Variants in TMEM192 observed in about 807,000 individuals in gnomAD.
TMEM192 encodes the protein transmembrane protein 192.
A neutral mutation model predicts 26.7 loss-of-function variants in TMEM192; 20 were observed. That is an observed-to-expected ratio of 0.75 (90% CI 0.53 to 1.09). The LOEUF (loss-of-function observed/expected upper bound fraction) is 1.09, where lower values mean the gene tolerates loss of function less well. Among genes scored for constraint, TMEM192 ranks in the 50% least tolerant of loss-of-function variants. The pLI, the probability that TMEM192 is intolerant of heterozygous loss-of-function variation, is 0.00. For synonymous variants in TMEM192, 124 were observed against 121.0 expected, an observed-to-expected ratio of 1.02 and a Z score of -0.16; for missense variants, 304 against 322.6, an observed-to-expected ratio of 0.94 and a Z score of 0.44.
At chr4:165,085,998 AGAAGT>A (rs1176730861) in intron 4 of TMEM192, among the ~76,000 whole-genome samples, 1 of 152,216 alleles carries the variant, frequency 6.6e-6, no homozygotes, top group Non-Finnish European at 1.5e-5. Context: ...TGAAGCCCAG[AGAAGT>A]TGAGCAACCA....
intron 3 of TMEM192, among the ~76,000 whole-genome samples, chr4:165,090,554 T>G (rs937978344): frequency 6.6e-6 from 1 of 152,052 alleles, no homozygotes; most frequent in Non-Finnish European, 1.5e-5. Context: ...CAACAAACCA[T>G]AAAACATAAA....
rs1490568246 is a variant in TMEM192, at chr4:165,079,484, A to C, written c.*174T>G. 2 of 598,736 alleles carry C rather than the reference A, an allele frequency of 3.3e-6. No individual in the cohort carries two copies. Among genetic ancestry groups the C allele is most frequent in the African/African-American group, 1.9e-5 (1 of 52,182 alleles). The allele number at this position is 598,736 out of a possible 1,614,324, so 37.1% of individuals were successfully genotyped here. A position where few individuals can be genotyped will look rare whatever the true frequency, so the allele number is the denominator to read the frequency against. ...TCTACAGGTACTTTTCAAGTGACCC[A>C]CAAGCCCTATATTTTAAACAGCCAC... is the stretch of plus-strand genomic sequence containing the variant. On this transcript the variant is annotated 3_prime_UTR_variant, in exon 6 of 6. Transcript: ENST00000306480.
In TMEM192 at chr4:165,079,734, C is replaced by A; in HGVS notation, c.740G>T (p.Arg247Leu). 2.5e-6 allele frequency: 4 copies of A among 1,614,024 alleles called. No individual in the cohort carries two copies. Among genetic ancestry groups the A allele is most frequent in the Non-Finnish European group, 3.4e-6 (4 of 1,179,966 alleles). Residue 247 changes from arginine (R) to leucine (L), a missense_variant, in exon 6 of 6, where the codon CGA becomes CTA. Physicochemically the swap from Arg to Leu is moderately radical, Grantham distance 102. Transcript: ENST00000306480. Reference protein sequence around the residue: ...KQGDTIEYLKRHNALLSKRLL... With the variant: ...KQGDTIEYLKLHNALLSKRLL... ...TCGCTTACTCAGCAGCGCATTGTGTCGCTTCAGGTATTCAATGGTGTCTCC... is the reference window on the plus strand; with the variant it reads ...TCGCTTACTCAGCAGCGCATTGTGTAGCTTCAGGTATTCAATGGTGTCTCC...
chr4:165,109,684 A>G (rs934435622), intron 1 of TMEM192, among the ~76,000 whole-genome samples: 1 of 152,232 alleles, frequency 6.6e-6, no homozygotes, highest in South Asian at 2.1e-4. Flanking sequence ...ACATTTAAAC[A>G]AAGCTAGCAT....
chr4:165,075,015 A>C lies in TMEM192; in HGVS notation c.*4643T>G, dbSNP rs1457808712. The C allele has an allele frequency of 6.6e-6, 1 of 152,250 alleles. No individual in the cohort carries two copies. Among genetic ancestry groups the C allele is most frequent in the Non-Finnish European group, 1.5e-5 (1 of 68,046 alleles). The allele number at this position is 152,250 out of a possible 1,614,324, so 9.4% of individuals were successfully genotyped here. A position where few individuals can be genotyped will look rare whatever the true frequency, so the allele number is the denominator to read the frequency against. On this transcript the variant is annotated 3_prime_UTR_variant, in exon 6 of 6. Coordinates refer to ENST00000306480, the MANE Select transcript of TMEM192 (RefSeq NM_001100389.2). ...TTTAACACTTCATTAGTATCCAAAGAAATACAATTTGAAACAATGACACAC... is the reference window on the plus strand; with the variant it reads ...TTTAACACTTCATTAGTATCCAAAGCAATACAATTTGAAACAATGACACAC...
intron 3 of TMEM192, among the ~76,000 whole-genome samples, chr4:165,095,075 G>A (rs1734864035): frequency 6.6e-6 from 1 of 152,064 alleles, no homozygotes. Context: ...ATGACCACAG[G>A]CTGAGAGCTA....
intron 3 of TMEM192, among the ~76,000 whole-genome samples, chr4:165,094,046 C>T (rs1200927033): frequency 6.6e-6 from 1 of 152,020 alleles, no homozygotes; most frequent in Non-Finnish European, 1.5e-5. Flanking sequence ...ATTACAGGCA[C>T]CTGCCACCAT....
At chr4:165,105,596 G>A (rs996351607) in intron 1 of TMEM192, among the ~76,000 whole-genome samples, 3 of 152,200 alleles carry the variant, frequency 2.0e-5, no homozygotes, top group African/African-American at 7.2e-5. Flanking sequence ...GACGCACAGA[G>A]AGCACTCAAT....
intron 1 of TMEM192, among the ~76,000 whole-genome samples, chr4:165,107,361 G>C (rs757935999): frequency 7.5e-5 from 11 of 146,986 alleles, no homozygotes; most frequent in Non-Finnish European, 1.2e-4. Flanking sequence ...AAAAAAAACA[G>C]GGTCTCACTC....
rs1297643568 is a variant in TMEM192, at chr4:165,076,231, T to C, written c.*3427A>G. 1 of 152,168 alleles carries C rather than the reference T, an allele frequency of 6.6e-6. No homozygotes were observed. The highest frequency in any genetic ancestry group is 1.5e-5 in the Non-Finnish European group (1 of 68,042). The allele number at this position is 152,168 out of a possible 1,614,324, so 9.4% of individuals were successfully genotyped here. A position where few individuals can be genotyped will look rare whatever the true frequency, so the allele number is the denominator to read the frequency against. On this transcript the variant is annotated 3_prime_UTR_variant, in exon 6 of 6. Coordinates refer to ENST00000306480, the MANE Select transcript of TMEM192 (RefSeq NM_001100389.2). ...ATATCTATCTATATACCTATACACA[T>C]ACATACTTATAATAAAAGGTTTACT...
In TMEM192 at chr4:165,070,958, A is replaced by G. The variant is rs1230435240; in HGVS notation, c.*8700T>C. On this transcript the variant is annotated 3_prime_UTR_variant, in exon 6 of 6. Coordinates refer to ENST00000306480, the MANE Select transcript of TMEM192 (RefSeq NM_001100389.2). Reference sequence around the variant, plus strand: ...ATCAGGAGACACAGACAAAGTAAACAAGTAAGTTACATGCAGTATTTTCCC... The same window carrying G: ...ATCAGGAGACACAGACAAAGTAAACGAGTAAGTTACATGCAGTATTTTCCC... 1 of 152,208 alleles carries G rather than the reference A, an allele frequency of 6.6e-6. No individual in the cohort carries two copies. The allele number at this position is 152,208 out of a possible 1,614,324, so 9.4% of individuals were successfully genotyped here.
Position 165,100,897 on chromosome 4 carries a change from G to C in TMEM192, c.175-5C>G, listed in dbSNP as rs1353991621. 1.9e-6 allele frequency: 3 copies of C among 1,606,548 alleles called. No individual in the cohort carries two copies. On this transcript the variant is annotated splice_polypyrimidine_tract_variant and splice_region_variant and intron_variant, in intron 2 of 5. Coordinates refer to ENST00000306480, the MANE Select transcript of TMEM192 (RefSeq NM_001100389.2). The stretch of plus-strand genomic sequence containing the variant: ...TGCTAAAACAACAAACACGAGCTGG[G>C]GGAAAGGAGAGCAGAAAGATTAATA...
At chr4:165,109,642 G>A (rs1185040210) in intron 1 of TMEM192, among the ~76,000 whole-genome samples, 1 of 152,234 alleles carries the variant, frequency 6.6e-6, no homozygotes, top group Non-Finnish European at 1.5e-5. Context: ...TGGGATTACA[G>A]GCGTGAGCCA....
intron 5 of TMEM192, 61 bp downstream of exon 5, chr4:165,085,525 G>A: frequency 9.3e-7 from 1 of 1,071,380 alleles, no homozygotes; most frequent in Non-Finnish European, 1.4e-6. Flanking sequence ...CCAAGCATCA[G>A]AATGGTTTCT....
In TMEM192 at chr4:165,071,957, T is replaced by C. The variant is rs62355813; in HGVS notation, c.*7701A>G. ...GCAGAAAGATCACTTAAAAGACTCT[T>C]ATAGGCCAGGTGTGGTGGCTCATGC... On this transcript the variant is annotated 3_prime_UTR_variant, in exon 6 of 6. Transcript: ENST00000306480. 0.35 allele frequency: 52,924 copies of C among 152,262 alleles called. 10,732 individuals are homozygous for C. The highest frequency in any genetic ancestry group is 0.73 in the East Asian group (3,765 of 5,150). 9.4% of individuals were successfully genotyped at this position (152,262 alleles called of 1,614,324 possible).
In TMEM192 at chr4:165,071,527, A is replaced by G. The variant is rs12507855; in HGVS notation, c.*8131T>C. 82,304 of 152,126 alleles carry G rather than the reference A, an allele frequency of 0.54. 22,486 individuals are homozygous for G. The highest frequency in any genetic ancestry group is 0.62 in the Admixed American group (9,402 of 15,258). 9.4% of individuals were successfully genotyped at this position (152,126 alleles called of 1,614,324 possible). On this transcript the variant is annotated 3_prime_UTR_variant, in exon 6 of 6. Transcript: ENST00000306480. ...GGCCGGTCTCCCAACTCCTGACCTC[A>G]AGTGATCCACCCACCTCAGCCTCCC...
chr4:165,098,528 T>C (rs1402518180), intron 3 of TMEM192, among the ~76,000 whole-genome samples: 1 of 151,576 alleles, frequency 6.6e-6, no homozygotes. Context: ...CCCAGGCTGG[T>C]CTCGAACTCC....
chr4:165,088,864 C>T (rs1487573911), intron 3 of TMEM192, among the ~76,000 whole-genome samples: 1 of 151,354 alleles, frequency 6.6e-6, no homozygotes, highest in East Asian at 1.9e-4. Context: ...CATAGCAAGA[C>T]CCCATCTCTA....
chr4:165,096,510 C>T (rs1294021126), intron 3 of TMEM192, among the ~76,000 whole-genome samples: 1 of 151,920 alleles, frequency 6.6e-6, no homozygotes, highest in African/African-American at 2.4e-5. Flanking sequence ...CTCCCATCTC[C>T]ACCCAAAGGT....
Sources: allele counts gnomAD v4.1 joint callset (sites outside exome capture counted in the v4.1 genomes callset), GRCh38; gene constraint gnomAD v4.1.1; transcripts MANE v1.5; gene names NCBI Gene and HGNC (gene_info 2026-07-23, HGNC 2026-07-21).